Variants in SLIT1 observed in about 807,000 individuals in gnomAD.
The protein encoded by SLIT1 is slit homolog 1 protein.
SLIT1 carries 66 observed loss-of-function variants against 186.1 expected under a neutral mutation model. The observed-to-expected ratio is 0.35, with a 90% CI of 0.29 to 0.44. SLIT1 has a LOEUF of 0.44. SLIT1 is among the 20% of genes least tolerant of loss of function. The pLI is 1.00. For synonymous variants in SLIT1, 761 were observed against 833.8 expected, an observed-to-expected ratio of 0.91 and a Z score of 1.50; for missense variants, 1,638 against 2,037.4, an observed-to-expected ratio of 0.80 and a Z score of 3.77.
chr10:97,145,749 C>G (rs1050896357), intron 4 of SLIT1, among the ~76,000 whole-genome samples: 3 of 152,184 alleles, frequency 2.0e-5, no homozygotes, highest in Non-Finnish European at 4.4e-5. Flanking sequence ...CCTGCAAGAG[C>G]AGGAGACACT....
intron 1 of SLIT1, among the ~76,000 whole-genome samples, chr10:97,179,796 A>ACCCCC (rs1411663173): frequency 4.9e-5 from 5 of 103,006 alleles, no homozygotes; most frequent in African/African-American, 9.6e-5. Context: ...AATTCTCCAC[A>ACCCCC]CCCTCCCCGC....
intron 4 of SLIT1, among the ~76,000 whole-genome samples, chr10:97,095,819 C>T (rs1308584977): frequency 6.6e-6 from 1 of 152,182 alleles, no homozygotes; most frequent in African/African-American, 2.4e-5. Context: ...ATTCCACGTC[C>T]CCATCTGAAG....
intron 34 of SLIT1, among the ~76,000 whole-genome samples, chr10:97,003,514 C>T (rs1322819529): frequency 2.0e-5 from 3 of 152,228 alleles, no homozygotes; most frequent in Non-Finnish European, 2.9e-5. Context: ...GGCCCAGGGC[C>T]ATCCCTCACC....
Position 97,002,186 on chromosome 10 carries a change from G to T in SLIT1, c.4338C>A (p.Pro1446=). 6.6e-7 allele frequency: 1 copy of T among 1,503,952 alleles called. No homozygotes were observed. The highest frequency in any genetic ancestry group is 2.4e-5 in the East Asian group (1 of 41,102). The allele number at this position is 1,503,952 out of a possible 1,614,324, so 93.2% of individuals were successfully genotyped here. The change falls in exon 36 of 37, where the codon CCC becomes CCA. Residue 1446 remains proline, a synonymous_variant. Transcript: ENST00000266058. ...GTKGAHCVCD[P]GFSGELCEQE... is the part of the protein sequence containing the mutation. ...GCTCACACAGCTCGCCCGAAAAGCC[G>T]GGGTCACACACACAGTGTGCCCCCT...
At chr10:97,117,294 T>A (rs1326793673) in intron 4 of SLIT1, among the ~76,000 whole-genome samples, 2 of 145,654 alleles carry the variant, frequency 1.4e-5, no homozygotes, top group East Asian at 4.1e-4. Context: ...TTAAAAAAAA[T>A]TACAGGGAGA....
intron 21 of SLIT1, among the ~76,000 whole-genome samples, chr10:97,039,688 G>A (rs1848673324): frequency 6.6e-6 from 1 of 152,276 alleles, no homozygotes; most frequent in Admixed American, 6.5e-5. Context: ...AGGAGCCTGA[G>A]ACAATGACAG....
At chr10:97,052,150 G>A (rs921247215) in intron 13 of SLIT1, among the ~76,000 whole-genome samples, 4 of 143,990 alleles carry the variant, frequency 2.8e-5, no homozygotes, top group Non-Finnish European at 6.0e-5. Flanking sequence ...CCCAGCCTGT[G>A]TGCAGTGGTG....
At position 97,046,816 on chromosome 10, in the gene SLIT1, G is replaced by A. The variant is rs1292772204; in HGVS notation, c.1710-19C>T. Reference sequence around the variant, plus strand: ...CAGATTGCTGGGAGAAGAGGCGGGGGGAGGATTACATATGGCCAGCAGCCA... The same window carrying A: ...CAGATTGCTGGGAGAAGAGGCGGGGAGAGGATTACATATGGCCAGCAGCCA... On this transcript the variant is annotated intron_variant, in intron 17 of 36. Transcript: ENST00000266058. 2 of 1,609,324 alleles carry A rather than the reference G, an allele frequency of 1.2e-6. No homozygotes were observed. Among genetic ancestry groups the A allele is most frequent in the Non-Finnish European group, 8.5e-7 (1 of 1,179,642 alleles).
intron 1 of SLIT1, among the ~76,000 whole-genome samples, chr10:97,178,806 TGTGTGTGTG>T: frequency 6.6e-6 from 1 of 152,228 alleles, no homozygotes; most frequent in Non-Finnish European, 1.5e-5. Context: ...TGTGTGTGTG[TGTGTGTGTG>T]ATTATGATAA....
chr10:97,155,095 G>A (rs1451090620), intron 4 of SLIT1: 3 of 152,248 alleles, frequency 2.0e-5, no homozygotes, highest in South Asian at 2.1e-4. Flanking sequence ...GAGTTATCAG[G>A]GGCATGATGG....
At chr10:97,046,962 A>C (rs750475575) in intron 17 of SLIT1, 29 bp downstream of exon 17, 2 of 1,585,556 alleles carry the variant, frequency 1.3e-6, no homozygotes, top group South Asian at 2.2e-5. Flanking sequence ...GCATCCCAAC[A>C]GACACCTTCT....
chr10:97,003,274 G>A (rs1224549721), intron 34 of SLIT1, among the ~76,000 whole-genome samples: 3 of 152,218 alleles, frequency 2.0e-5, no homozygotes, highest in Admixed American at 6.5e-5. Context: ...CTAAAGTCTG[G>A]CTTCCCTCGC....
At chr10:97,119,673 C>T (rs1284515832) in intron 4 of SLIT1, among the ~76,000 whole-genome samples, 1 of 150,796 alleles carries the variant, frequency 6.6e-6, no homozygotes, top group Non-Finnish European at 1.5e-5. Flanking sequence ...CAGAGACAGG[C>T]AGGAGGTGGC....
At chr10:97,135,312 G>A (rs945498133) in intron 4 of SLIT1, among the ~76,000 whole-genome samples, 3 of 152,062 alleles carry the variant, frequency 2.0e-5, no homozygotes, top group African/African-American at 4.8e-5. Flanking sequence ...ACTTAGGCTC[G>A]GTGTCCACTC....
intron 4 of SLIT1, among the ~76,000 whole-genome samples, chr10:97,145,205 G>A (rs1039926767): frequency 6.6e-5 from 10 of 151,806 alleles, no homozygotes; most frequent in Admixed American, 3.3e-4. Context: ...GCAATGGTGC[G>A]GTCCCGGGTT....
At chr10:97,052,749 A>G (rs1392501814) in intron 13 of SLIT1, among the ~76,000 whole-genome samples, 1 of 152,240 alleles carries the variant, frequency 6.6e-6, no homozygotes, top group Non-Finnish European at 1.5e-5. Flanking sequence ...GGACAAATCA[A>G]ACATGATTTG....
chr10:97,119,470 G>T (rs1320420865), intron 4 of SLIT1, among the ~76,000 whole-genome samples: 4 of 152,192 alleles, frequency 2.6e-5, no homozygotes, highest in African/African-American at 9.7e-5. Flanking sequence ...ATGGGGCCTT[G>T]CTAATTAATC....
chr10:97,081,795 G>C (rs1225743932), intron 4 of SLIT1, among the ~76,000 whole-genome samples: 1 of 152,190 alleles, frequency 6.6e-6, no homozygotes, highest in South Asian at 2.1e-4. Flanking sequence ...GAGGAGCTAC[G>C]AGGAACCACA....
At chr10:97,060,552 G>T in intron 9 of SLIT1, 88 bp downstream of exon 9, 1 of 1,528,800 alleles carries the variant, frequency 6.5e-7, no homozygotes. Context: ...AAGCCCTGAG[G>T]CAGCGCCTAC....
Sources: allele counts gnomAD v4.1 joint callset (sites outside exome capture counted in the v4.1 genomes callset), GRCh38; gene constraint gnomAD v4.1.1; transcripts MANE v1.5; gene names NCBI Gene and HGNC (gene_info 2026-07-23, HGNC 2026-07-21).